DIP2C: variants seen among roughly 807,000 people sequenced by gnomAD.
DIP2C encodes the protein disco-interacting protein 2 homolog C.
Under a neutral mutation model 192.4 loss-of-function variants are expected in DIP2C, and 33 were observed. That is an observed-to-expected ratio of 0.17 (90% confidence interval 0.13 to 0.23). The LOEUF is 0.23. DIP2C is among the 10% of genes least tolerant of loss of function. The pLI, the probability that DIP2C is intolerant of heterozygous loss-of-function variation, is 1.00. For missense variants in DIP2C, 1,537 were observed against 2,110.1 expected (o/e 0.73, Z 5.32); for synonymous variants, 979 against 864.1 (o/e 1.13, Z -2.33).
rs549289049 is a variant in DIP2C at position 347,991 on chromosome 10, C to T, written c.3231+650G>A. Among the ~76,000 whole-genome samples, 145 of 142,718 alleles carry T rather than the reference C, an allele frequency of 1.0e-3. 1 individual carries two copies. Among genetic ancestry groups the T allele is most frequent in the African/African-American group, 3.5e-3 (137 of 38,758 alleles). The allele number at this position is 142,718 out of a possible 152,430, so 93.6% of individuals were successfully genotyped here. A position where few individuals can be genotyped will look rare whatever the true frequency, so the allele number is the denominator to read the frequency against. The stretch of plus-strand genomic sequence containing the variant: ...AAACGTCACACACACCCAGATGCGT[C>T]GCGCATAGCTCTCCCGGAAACCCCA... On this transcript the variant is annotated intron_variant, in intron 26 of 36. Coordinates refer to ENST00000280886, the MANE Select transcript of DIP2C (RefSeq NM_014974.3).
At chr10:389,514 TC>T (rs1054458984) in intron 13 of DIP2C, among the ~76,000 whole-genome samples, 10 of 152,326 alleles carry the variant, frequency 6.6e-5, no homozygotes, top group African/African-American at 2.4e-4. Context: ...ACAGGCGTTT[TC>T]TTTACAACTA....
chr10:408,833 G>C (rs982453881), intron 9 of DIP2C, 93 bp downstream of exon 9: 2 of 1,221,626 alleles, frequency 1.6e-6, no homozygotes, highest in African/African-American at 3.0e-5. Flanking sequence ...AGAAAGTGGA[G>C]GTGGCGCTGA....
At chr10:553,960 A>C (rs1848713224) in intron 1 of DIP2C, among the ~76,000 whole-genome samples, 1 of 151,900 alleles carries the variant, frequency 6.6e-6, no homozygotes, top group South Asian at 2.1e-4. Flanking sequence ...CTCATAGAAA[A>C]AACGTATACG....
intron 3 of DIP2C, among the ~76,000 whole-genome samples, chr10:467,486 C>T (rs569069502): frequency 2.5e-4 from 35 of 140,216 alleles, no homozygotes; most frequent in Non-Finnish European, 4.8e-4. Flanking sequence ...ACATATGTAA[C>T]TAACCTGCAC....
chr10:485,525 C>A (rs572775579), intron 2 of DIP2C, among the ~76,000 whole-genome samples: 2 of 152,170 alleles, frequency 1.3e-5, no homozygotes, highest in South Asian at 2.1e-4. Flanking sequence ...AAGAAAAACA[C>A]GAAATGAAAA....
chr10:524,835 G>A (rs895132554), intron 1 of DIP2C, among the ~76,000 whole-genome samples: 1 of 152,030 alleles, frequency 6.6e-6, no homozygotes, highest in African/African-American at 2.4e-5. Context: ...CTGCTCTACA[G>A]GACTTTCGCT....
At chr10:562,413 G>T (rs569101676) in intron 1 of DIP2C, among the ~76,000 whole-genome samples, 1 of 152,298 alleles carries the variant, frequency 6.6e-6, no homozygotes, top group African/African-American at 2.4e-5. Context: ...CTATTCAAAG[G>T]CATGTTTTTG....
intron 1 of DIP2C, among the ~76,000 whole-genome samples, chr10:544,878 A>C (rs1406438819): frequency 6.6e-6 from 1 of 152,132 alleles, no homozygotes; most frequent in Non-Finnish European, 1.5e-5. Flanking sequence ...TTTTACTTTA[A>C]TAGTAACCTC....
intron 1 of DIP2C, among the ~76,000 whole-genome samples, chr10:492,687 G>C (rs1438727870): frequency 2.0e-5 from 3 of 152,196 alleles, no homozygotes; most frequent in African/African-American, 7.2e-5. Flanking sequence ...GTTGCAGTAA[G>C]ATCTTACTCG....
At chr10:404,210 A>ATTTT (rs200567522) in intron 9 of DIP2C, among the ~76,000 whole-genome samples, 34 of 146,438 alleles carry the variant, frequency 2.3e-4, no homozygotes, top group African/African-American at 7.8e-4. Flanking sequence ...TTCATTCTGG[A>ATTTT]TTTTTTTTTT....
chr10:577,149 T>G (rs1383126895), intron 1 of DIP2C, among the ~76,000 whole-genome samples: 1 of 152,206 alleles, frequency 6.6e-6, no homozygotes, highest in East Asian at 1.9e-4. Context: ...AGTTCCAGTA[T>G]GGCTGCATCC....
At chr10:619,121 CCCTT>C (rs1853667600) in intron 1 of DIP2C, among the ~76,000 whole-genome samples, 1 of 152,154 alleles carries the variant, frequency 6.6e-6, no homozygotes, top group Non-Finnish European at 1.5e-5. Context: ...ACGGTGAGCC[CCCTT>C]CCTTCAGTAA....
At chr10:413,513 C>T (rs532658894) in intron 8 of DIP2C, among the ~76,000 whole-genome samples, 1 of 152,222 alleles carries the variant, frequency 6.6e-6, no homozygotes, top group Non-Finnish European at 1.5e-5. Context: ...CTGGTTTTAA[C>T]TCAAAAAATA....
chr10:541,459 C>T (rs1163354196), intron 1 of DIP2C, among the ~76,000 whole-genome samples: 1 of 140,050 alleles, frequency 7.1e-6, no homozygotes, highest in Admixed American at 7.2e-5. Context: ...CCTGGACCCC[C>T]CCGAGTGACC....
At chr10:355,365 CTG>C (rs902774441) in intron 24 of DIP2C, among the ~76,000 whole-genome samples, 1 of 152,222 alleles carries the variant, frequency 6.6e-6, no homozygotes, top group African/African-American at 2.4e-5. Context: ...GGTCTGATAA[CTG>C]AAACTCAAAC....
Position 345,039 on chromosome 10 carries a change from C to G in DIP2C, c.3303G>C (p.Ala1101=), listed in dbSNP as rs759847812. 1.2e-6 allele frequency: 2 copies of G among 1,612,872 alleles called. No homozygotes were observed. The highest frequency in any genetic ancestry group is 2.2e-5 in the East Asian group (1 of 44,870). The change falls in exon 27 of 37, where the codon GCG becomes GCC. Residue 1101 remains alanine (A), a synonymous_variant. Transcript: ENST00000280886. ...GGGGCCACGTCCTGACGTCCACAGC[C>G]GCCGCCGCCTCCCTGGACCGCAGCA... The part of the protein sequence containing the change: ...CKLLRSREAA[A]AVDVRTWPLI...
intron 2 of DIP2C, among the ~76,000 whole-genome samples, chr10:480,032 T>C (rs1843477872): frequency 1.4e-5 from 2 of 139,742 alleles, no homozygotes; most frequent in East Asian, 2.3e-4. Context: ...AGGGTTCTCA[T>C]CCGGCAGCCT....
chr10:278,769 G>A (rs1954660284), intron 36 of DIP2C, among the ~76,000 whole-genome samples: 1 of 152,206 alleles, frequency 6.6e-6, no homozygotes, highest in Non-Finnish European at 1.5e-5. Context: ...CAAAAACCCG[G>A]TGCTTTACAG....
intron 1 of DIP2C, among the ~76,000 whole-genome samples, chr10:555,706 C>T (rs1848815753): frequency 6.6e-6 from 1 of 152,258 alleles, no homozygotes; most frequent in East Asian, 1.9e-4. Flanking sequence ...ATGCGTTAAT[C>T]AGAGAATCTA....
Sources: allele counts gnomAD v4.1 joint callset (sites outside exome capture counted in the v4.1 genomes callset), GRCh38; gene constraint gnomAD v4.1.1; transcripts MANE v1.5; gene names NCBI Gene and HGNC (gene_info 2026-07-23, HGNC 2026-07-21).